Variants in MGAT5 observed in about 807,000 individuals in gnomAD.
MGAT5 encodes alpha-1,6-mannosylglycoprotein 6-beta-N-acetylglucosaminyltransferase A.
MGAT5 carries 30 observed loss-of-function variants against 94.3 expected under a neutral mutation model. That is an observed-to-expected ratio of 0.32 (90% CI 0.24 to 0.43). The LOEUF is 0.43. Ranked by LOEUF, MGAT5 falls within the 20% of genes least tolerant of loss-of-function variation. The probability of loss-of-function intolerance (pLI) is 1.00; values close to 1 mark genes in which losing one functional copy is unlikely to be tolerated. For synonymous variants in MGAT5, 310 were observed against 322.9 expected (o/e 0.96, Z 0.43); for missense variants, 691 against 905.5 (o/e 0.76, Z 3.04).
At chr2:134,198,632 CA>C (rs1412316024) in intron 1 of MGAT5, among the ~76,000 whole-genome samples, 1 of 152,132 alleles carries the variant, frequency 6.6e-6, no homozygotes, top group Non-Finnish European at 1.5e-5. Flanking sequence ...GCCTAGTGGT[CA>C]AAACTACCTG....
intron 10 of MGAT5, among the ~76,000 whole-genome samples, chr2:134,383,790 G>A (rs1681782077): frequency 6.6e-6 from 1 of 151,118 alleles, no homozygotes; most frequent in Non-Finnish European, 1.5e-5. Context: ...TGCAAGCTCC[G>A]CCTCCTGGGT....
intron 1 of MGAT5, among the ~76,000 whole-genome samples, chr2:134,238,795 T>C (rs1180468974): frequency 2.6e-5 from 4 of 151,728 alleles, no homozygotes; most frequent in African/African-American, 9.7e-5. Flanking sequence ...AATACAAAAT[T>C]AGCCAGGCAT....
chr2:134,147,716 T>C (rs1573742896), intron 1 of MGAT5, among the ~76,000 whole-genome samples: 2 of 152,192 alleles, frequency 1.3e-5, no homozygotes. Flanking sequence ...CACCCGGTAA[T>C]AGAATCAGCG....
At chr2:134,368,762 C>T (rs1264705061) in intron 10 of MGAT5, among the ~76,000 whole-genome samples, 2 of 152,214 alleles carry the variant, frequency 1.3e-5, no homozygotes, top group African/African-American at 4.8e-5. Context: ...TAGCGAGGCT[C>T]TCTGCAAGCC....
At chr2:134,217,507 C>T (rs1252077636) in intron 1 of MGAT5, among the ~76,000 whole-genome samples, 2 of 152,076 alleles carry the variant, frequency 1.3e-5, no homozygotes, top group Non-Finnish European at 2.9e-5. Flanking sequence ...TGAAAGCCAC[C>T]GTCAAGAGGA....
chr2:134,376,047 G>A (rs1447651370), intron 10 of MGAT5, among the ~76,000 whole-genome samples: 1 of 152,182 alleles, frequency 6.6e-6, no homozygotes, highest in African/African-American at 2.4e-5. Flanking sequence ...ATCCAGACCA[G>A]TTAGTGATCT....
At chr2:134,369,266 G>A (rs888964230) in intron 10 of MGAT5, among the ~76,000 whole-genome samples, 1 of 152,208 alleles carries the variant, frequency 6.6e-6, no homozygotes, top group Non-Finnish European at 1.5e-5. Flanking sequence ...ACCCCAGGGA[G>A]ACCAGGAAGA....
chr2:134,290,968 C>G (rs564017923), intron 2 of MGAT5, among the ~76,000 whole-genome samples: 1 of 152,210 alleles, frequency 6.6e-6, no homozygotes, highest in Non-Finnish European at 1.5e-5. Flanking sequence ...TAATGCAAAA[C>G]AAAATACACA....
intron 1 of MGAT5, among the ~76,000 whole-genome samples, chr2:134,165,691 C>T (rs1489805678): frequency 8.5e-5 from 13 of 152,066 alleles, no homozygotes; most frequent in East Asian, 3.9e-4. Context: ...AGGAGAATGG[C>T]GTGAACCCGG....
At chr2:134,387,054 G>A (rs562086475) in intron 10 of MGAT5, among the ~76,000 whole-genome samples, 105 of 151,808 alleles carry the variant, frequency 6.9e-4, no homozygotes, top group African/African-American at 2.3e-3. Context: ...CTGAGGTCAG[G>A]AGTTTGAGAC....
At chr2:134,286,654 A>G (rs1685025545) in intron 2 of MGAT5, among the ~76,000 whole-genome samples, 2 of 152,250 alleles carry the variant, frequency 1.3e-5, no homozygotes, top group African/African-American at 2.4e-5. Context: ...TCCTGACCTC[A>G]GGTGATCTGC....
chr2:134,324,127 T>TA (rs1687507011), intron 4 of MGAT5, among the ~76,000 whole-genome samples: 1 of 152,188 alleles, frequency 6.6e-6, no homozygotes, highest in Non-Finnish European at 1.5e-5. Context: ...AAACAGTTGT[T>TA]ACAGAACCTA....
At chr2:134,284,321 A>G (rs1008549004) in intron 2 of MGAT5, among the ~76,000 whole-genome samples, 6 of 152,208 alleles carry the variant, frequency 3.9e-5, no homozygotes, top group African/African-American at 1.4e-4. Context: ...CTAAATTTAT[A>G]AATAAAGTTT....
At chr2:134,256,428 G>A (rs907777608) in intron 1 of MGAT5, among the ~76,000 whole-genome samples, 3 of 136,912 alleles carry the variant, frequency 2.2e-5, no homozygotes, top group African/African-American at 1.1e-4. Context: ...ATTTTCTCTT[G>A]TTTCTCTCAG....
chr2:134,179,022 C>T (rs1688609541), intron 1 of MGAT5, among the ~76,000 whole-genome samples: 1 of 152,178 alleles, frequency 6.6e-6, no homozygotes, highest in African/African-American at 2.4e-5. Flanking sequence ...TCTGCACTTT[C>T]CTGGTCATTC....
chr2:134,332,659 A>G (rs1426930261), intron 4 of MGAT5, among the ~76,000 whole-genome samples: 1 of 152,234 alleles, frequency 6.6e-6, no homozygotes, highest in Non-Finnish European at 1.5e-5. Flanking sequence ...GCAACCTACG[A>G]AATGGGAGAA....
intron 1 of MGAT5, among the ~76,000 whole-genome samples, chr2:134,233,340 A>G (rs1418901922): frequency 6.6e-6 from 1 of 152,174 alleles, no homozygotes; most frequent in African/African-American, 2.4e-5. Flanking sequence ...TTAGGTGCTG[A>G]CCCAGAAAAT....
In MGAT5 at chr2:134,257,469, G is replaced by A. The variant is rs183674665; in HGVS notation, c.241+2825G>A. On this transcript the variant is annotated intron_variant, in intron 1 of 15. Coordinates refer to ENST00000281923, the MANE Select transcript of MGAT5 (RefSeq NM_002410.5). ...ACACCTGACCTCAGATGATCTGCCC[G>A]CCTCAGCCTCCCAAAGTGCTGGGAT... Among the ~76,000 whole-genome samples the A allele has an allele frequency of 3.0e-3, 455 of 152,274 alleles. 2 individuals are homozygous for A. The highest frequency in any genetic ancestry group is 5.0e-3 in the African/African-American group (206 of 41,550).
intron 2 of MGAT5, among the ~76,000 whole-genome samples, chr2:134,306,133 G>A (rs1167078747): frequency 6.6e-6 from 1 of 151,952 alleles, no homozygotes; most frequent in African/African-American, 2.4e-5. Context: ...TTGTAACTAA[G>A]TACATATATG....
Sources: gnomAD v4.1 joint callset for allele counts (sites outside exome capture counted in the v4.1 genomes callset) on GRCh38, gnomAD v4.1.1 for gene constraint, MANE v1.5 for transcripts, NCBI Gene and HGNC (gene_info 2026-07-23, HGNC 2026-07-21) for gene names.